Variants in CKLF observed in about 807,000 individuals in gnomAD.
CKLF encodes chemokine-like factor.
A neutral mutation model predicts 12.9 loss-of-function variants in CKLF; 16 were observed. That is an observed-to-expected ratio of 1.24 (90% CI 0.84 to 1.88). The LOEUF (loss-of-function observed/expected upper bound fraction) is 1.88, where lower values mean the gene tolerates loss of function less well. CKLF is among the 40% of genes most tolerant of loss of function. CKLF has a pLI of 0.00. For synonymous variants in CKLF, 61 were observed against 69.0 expected (o/e 0.88, Z 0.57); for missense variants, 172 against 188.5 (o/e 0.91, Z 0.51).
At position 66,552,747 on chromosome 16, in the gene CKLF, G is replaced by T. The variant is rs372959958; in HGVS notation, c.32G>T (p.Arg11Leu). Residue 11 changes from arginine to leucine, a missense_variant, in exon 1 of 4, where the codon CGC becomes CTC. Coordinates refer to ENST00000264001, the MANE Select transcript of CKLF (RefSeq NM_016951.4). MDNVQPKIKH[R>L]PFCFSVKGHV... ...AACGTGCAGCCGAAAATAAAACATC[G>T]CCCCTTCTGCTTCAGTGTGAAAGGC... 6.2e-7 allele frequency: 1 copy of T among 1,614,154 alleles called. No individual in the cohort carries two copies. The highest frequency in any genetic ancestry group is 8.5e-7 in the Non-Finnish European group (1 of 1,179,998).
intron 2 of CKLF, 101 bp from the exon 3 acceptor site, chr16:66,563,017 GCTGA>G (rs1286166200): frequency 1.5e-6 from 2 of 1,323,398 alleles, no homozygotes; most frequent in Non-Finnish European, 2.1e-6. Flanking sequence ...CATTCTGCCT[GCTGA>G]CTTTGTTTTT....
chr16:66,553,176 A>ACAAAAACAAAC lies in CKLF; in HGVS notation c.78+383_78+384insCAAAAACAAAC, dbSNP rs1555529540. ...CTGCCTCTTTAAAAACAAAAACAAA[A>ACAAAAACAAAC]AAAAACCCTTTTTTTAAATTAAAAA... On this transcript the variant is annotated intron_variant, in intron 1 of 3. Transcript: ENST00000264001. Among the ~76,000 whole-genome samples the ACAAAAACAAAC allele has an allele frequency of 2.0e-5, 3 of 150,708 alleles. No individual in the cohort carries two copies. In the East Asian group the frequency reaches 5.8e-4, roughly 29 times the overall value.
At chr16:66,562,007 C>T (rs2011759225) in intron 2 of CKLF, among the ~76,000 whole-genome samples, 1 of 152,128 alleles carries the variant, frequency 6.6e-6, no homozygotes, top group Non-Finnish European at 1.5e-5. Flanking sequence ...AATTGGTCAT[C>T]CATTGCATAG....
In CKLF at chr16:66,552,807, G is replaced by T. The variant is rs752838670; in HGVS notation, c.78+14G>T. 1 of 1,613,916 alleles carries T rather than the reference G, an allele frequency of 6.2e-7. No homozygotes were observed. The highest frequency in any genetic ancestry group is 1.1e-5 in the South Asian group (1 of 91,086). ...ATGCTGCGGCTGGTGAGGCCGGGCC[G>T]CGGAGGGCGGGAGGCTGATGAAGCT... On this transcript the variant is annotated intron_variant, in intron 1 of 3. Transcript: ENST00000264001.
intron 2 of CKLF, among the ~76,000 whole-genome samples, chr16:66,562,398 A>G (rs1000665043): frequency 7.2e-5 from 11 of 152,048 alleles, no homozygotes; most frequent in African/African-American, 1.7e-4. Flanking sequence ...AATGTAGACT[A>G]CTCTGCATTT....
chr16:66,563,110 G>GTGTGTTT lies in CKLF; in HGVS notation c.238-10_238-4dup, dbSNP rs1567551648. 1 of 1,613,580 alleles carries GTGTGTTT rather than the reference G, an allele frequency of 6.2e-7. No homozygotes were observed. Among genetic ancestry groups the GTGTGTTT allele is most frequent in the Non-Finnish European group, 8.5e-7 (1 of 1,179,840 alleles). ...TCTTCATGTAAGGCTCAGCTTTATT[G>GTGTGTTT]TGTGTTTTTAGGATATTATCAACTC... On this transcript the variant is annotated splice_polypyrimidine_tract_variant and intron_variant, in intron 2 of 3. Transcript: ENST00000264001.
chr16:66,556,713 T>C (rs2011465951), intron 1 of CKLF, among the ~76,000 whole-genome samples: 1 of 152,216 alleles, frequency 6.6e-6, no homozygotes, highest in Admixed American at 6.5e-5. Context: ...AGAATGAAGT[T>C]ACTTAGTAAC....
At chr16:66,564,184 T>C (rs1267682125) in intron 3 of CKLF, among the ~76,000 whole-genome samples, 2 of 152,214 alleles carry the variant, frequency 1.3e-5, no homozygotes, top group Non-Finnish European at 2.9e-5. Flanking sequence ...ATTCATTTAC[T>C]CATTTCTTAA....
At chr16:66,563,566 T>G (rs895473721) in intron 3 of CKLF, among the ~76,000 whole-genome samples, 1 of 152,210 alleles carries the variant, frequency 6.6e-6, no homozygotes, top group African/African-American at 2.4e-5. Flanking sequence ...ATGGATGAGT[T>G]TCATAGCTCT....
rs778311415 is a variant in CKLF at position 66,565,942 on chromosome 16, G to A, written c.390G>A (p.Arg130=). The change falls in exon 4 of 4, where the codon CGG becomes CGA. Residue 130 remains arginine, a synonymous_variant. Coordinates refer to ENST00000264001, the MANE Select transcript of CKLF (RefSeq NM_016951.4). ...TTGCCGACGGGGCCCTTATTTACCG[G>A]AAGCTTCTGTTCAATCCCAGCGGTC... ...CCLADGALIY[R]KLLFNPSGPY... is the part of the protein sequence containing the mutation. The A allele has an allele frequency of 7.4e-6, 12 of 1,614,012 alleles. No individual in the cohort carries two copies. The South Asian group carries it at 1.3e-4, about 18-fold the overall frequency.
At chr16:66,566,158 T>G, downstream of CKLF, 2 of 1,585,780 alleles carry the variant, frequency 1.3e-6, no homozygotes, top group Non-Finnish European at 1.7e-6. This position sits in a 1 kb window ranked among gnomAD's most constrained non-coding sequence, Gnocchi z 4.9. Context: ...TACTGTAACT[T>G]CCAAGGGAGC....
intron 1 of CKLF, among the ~76,000 whole-genome samples, chr16:66,555,293 C>A (rs754606448): frequency 2.6e-5 from 4 of 152,084 alleles, no homozygotes; most frequent in Non-Finnish European, 5.9e-5. Context: ...TAGGGAAGGA[C>A]AGAAGGGGAT....
chr16:66,560,613 G>A (rs920410108), intron 2 of CKLF, among the ~76,000 whole-genome samples: 1 of 152,014 alleles, frequency 6.6e-6, no homozygotes, highest in Non-Finnish European at 1.5e-5. Flanking sequence ...AACTGAGCTC[G>A]GACTGGCCAC....
chr16:66,565,106 T>C (rs180898702), intron 3 of CKLF, among the ~76,000 whole-genome samples: 41 of 152,204 alleles, frequency 2.7e-4, no homozygotes, highest in Admixed American at 2.4e-3. Flanking sequence ...GTAGGAGGTA[T>C]TCAGTGTGGT....
At chr16:66,565,714 A>C (rs2012208963) in intron 3 of CKLF, 172 bp from the exon 4 acceptor site, 1 of 647,348 alleles carries the variant, frequency 1.5e-6, no homozygotes, top group Non-Finnish European at 2.8e-6. Flanking sequence ...CTTAGCAATG[A>C]GGAGAATAAG....
In CKLF at chr16:66,552,765, T is replaced by C. The variant is rs781078163; in HGVS notation, c.50T>C (p.Val17Ala). The change falls in exon 1 of 4, where the codon GTG becomes GCG. Residue 17 changes from valine (V) to alanine (A), a missense_variant. Coordinates refer to ENST00000264001, the MANE Select transcript of CKLF (RefSeq NM_016951.4). Reference sequence around the variant, plus strand: ...AAACATCGCCCCTTCTGCTTCAGTGTGAAAGGCCACGTGAAGATGCTGCGG... The same window carrying C: ...AAACATCGCCCCTTCTGCTTCAGTGCGAAAGGCCACGTGAAGATGCTGCGG... ...KIKHRPFCFS[V>A]KGHVKMLRLA... 4.3e-6 allele frequency: 7 copies of C among 1,614,010 alleles called. No homozygotes were observed. Among genetic ancestry groups the C allele is most frequent in the Middle Eastern group, 1.7e-4 (1 of 6,060 alleles).
At chr16:66,562,635 A>G (rs1026668787) in intron 2 of CKLF, among the ~76,000 whole-genome samples, 2 of 152,254 alleles carry the variant, frequency 1.3e-5, no homozygotes, top group African/African-American at 4.8e-5. Flanking sequence ...CTATCTAGGT[A>G]TCATTTTACT....
At position 66,558,250 on chromosome 16, in the gene CKLF, G is replaced by T. The variant is rs550053000; in HGVS notation, c.139G>T (p.Val47Phe). ...IIAQAPEPYI[V>F]ITGFEVTVIL... ...CGCACAAGCCCCTGAACCATATATT[G>T]TTATCACTGGATTTGAAGTCACCGT... is the stretch of plus-strand genomic sequence containing the variant. The change falls in exon 2 of 4, where the codon GTT (valine) becomes TTT (phenylalanine). Residue 47 changes from valine (V) to phenylalanine (F), a missense_variant. Coordinates refer to ENST00000264001, the MANE Select transcript of CKLF (RefSeq NM_016951.4). 1.2e-6 allele frequency: 2 copies of T among 1,613,684 alleles called. No homozygotes were observed. The highest frequency in any genetic ancestry group is 2.2e-5 in the South Asian group (2 of 90,982).
chr16:66,563,101 A>C (rs2011860754), intron 2 of CKLF, 21 bp from the exon 3 acceptor site: 4 of 1,612,996 alleles, frequency 2.5e-6, no homozygotes, highest in Non-Finnish European at 3.4e-6. Flanking sequence ...TGTAAGGCTC[A>C]GCTTTATTGT....
Sources: allele counts gnomAD v4.1 joint callset (sites outside exome capture counted in the v4.1 genomes callset), GRCh38; gene constraint gnomAD v4.1.1; non-coding constraint Gnocchi (gnomAD v3.1); transcripts MANE v1.5; gene names NCBI Gene and HGNC (gene_info 2026-07-23, HGNC 2026-07-21).